The following CPA6 variants were observed in gnomAD, a reference collection of about 807,000 sequenced individuals.
The protein encoded by CPA6 is carboxypeptidase B.
CPA6 carries 58 observed loss-of-function variants against 63.3 expected under a neutral mutation model. That is an observed-to-expected ratio of 0.92 (90% confidence interval 0.74 to 1.14). The LOEUF (loss-of-function observed/expected upper bound fraction) is 1.14. Ranked by LOEUF, CPA6 falls within the 50% of genes most tolerant of loss-of-function variation. CPA6 has a pLI of 0.00. For missense variants in CPA6, 565 were observed against 526.6 expected (o/e 1.07, Z -0.71); for synonymous variants, 185 against 179.0 (o/e 1.03, Z -0.27).
At chr8:67,534,607 A>C (rs1035891744) in intron 2 of CPA6, among the ~76,000 whole-genome samples, 5 of 152,214 alleles carry the variant, frequency 3.3e-5, no homozygotes, top group Non-Finnish European at 5.9e-5. Flanking sequence ...ATCCTTTGGC[A>C]GTATCAGGCA....
intron 1 of CPA6, among the ~76,000 whole-genome samples, chr8:67,651,631 G>A (rs1018944839): frequency 1.3e-5 from 2 of 151,740 alleles, no homozygotes; most frequent in Admixed American, 1.3e-4. Flanking sequence ...TTTTGGTTTC[G>A]GTTTTCCTTA....
intron 6 of CPA6, among the ~76,000 whole-genome samples, chr8:67,492,998 TATC>T (rs1811638869): frequency 6.6e-6 from 1 of 152,100 alleles, no homozygotes; most frequent in African/African-American, 2.4e-5. Context: ...CAAACCAAAA[TATC>T]ATAATTACTC....
chr8:67,619,025 A>C (rs1281430908), intron 2 of CPA6, among the ~76,000 whole-genome samples: 2 of 151,984 alleles, frequency 1.3e-5, no homozygotes, highest in African/African-American at 2.4e-5. Flanking sequence ...TAGGAAAGTA[A>C]CCAGCTTTGT....
At chr8:67,699,127 C>T (rs553036487) in intron 1 of CPA6, among the ~76,000 whole-genome samples, 1 of 152,182 alleles carries the variant, frequency 6.6e-6, no homozygotes, top group African/African-American at 2.4e-5. Context: ...TAATGAAAAA[C>T]GGGTTACAGG....
chr8:67,516,001 T>A (rs994857477), intron 3 of CPA6, among the ~76,000 whole-genome samples: 1 of 152,138 alleles, frequency 6.6e-6, no homozygotes, highest in Non-Finnish European at 1.5e-5. Flanking sequence ...TGCCTTCCAA[T>A]CCATATTAGA....
chr8:67,666,492 T>C (rs1392651144), intron 1 of CPA6, among the ~76,000 whole-genome samples: 2 of 152,066 alleles, frequency 1.3e-5, no homozygotes, highest in Non-Finnish European at 2.9e-5. Context: ...GAGGGAGACA[T>C]GGTCTGGGAA....
chr8:67,591,661 A>G (rs1238871993), intron 2 of CPA6, among the ~76,000 whole-genome samples: 29 of 151,998 alleles, frequency 1.9e-4, no homozygotes, highest in Non-Finnish European at 2.5e-4. Flanking sequence ...GTGAATGGGA[A>G]TTCACTCATG....
chr8:67,691,693 T>C (rs1337981204), intron 1 of CPA6, among the ~76,000 whole-genome samples: 1 of 152,232 alleles, frequency 6.6e-6, no homozygotes, highest in African/African-American at 2.4e-5. Context: ...GTAAAATACC[T>C]TACCAAGTTT....
At chr8:67,457,287 T>G (rs963663532) in intron 8 of CPA6, among the ~76,000 whole-genome samples, 4 of 152,354 alleles carry the variant, frequency 2.6e-5, no homozygotes, top group African/African-American at 9.6e-5. Context: ...ATACTGCTCT[T>G]AAAAATTTAT....
intron 2 of CPA6, among the ~76,000 whole-genome samples, chr8:67,555,565 T>A (rs1813041703): frequency 6.6e-6 from 1 of 152,182 alleles, no homozygotes; most frequent in South Asian, 2.1e-4. Flanking sequence ...TAAAGCACTT[T>A]CCTGAGTTCT....
intron 1 of CPA6, among the ~76,000 whole-genome samples, chr8:67,709,438 G>A (rs1178467260): frequency 6.6e-6 from 1 of 152,172 alleles, no homozygotes; most frequent in Non-Finnish European, 1.5e-5. Context: ...TATTTCCTCT[G>A]AGGAGGCAAG....
chr8:67,505,852 T>C (rs1811915714), intron 6 of CPA6, among the ~76,000 whole-genome samples: 1 of 152,156 alleles, frequency 6.6e-6, no homozygotes, highest in Non-Finnish European at 1.5e-5. Context: ...AATTTCCCCA[T>C]AAAACACAGT....
chr8:67,431,952 G>A (rs1363783028), intron 9 of CPA6, among the ~76,000 whole-genome samples: 2 of 152,168 alleles, frequency 1.3e-5, no homozygotes, highest in African/African-American at 4.8e-5. Context: ...GGGAGAAAGG[G>A]AATGATTCTC....
chr8:67,652,236 A>G (rs569525311), intron 1 of CPA6, among the ~76,000 whole-genome samples: 26 of 152,298 alleles, frequency 1.7e-4, no homozygotes, highest in African/African-American at 2.6e-4. Context: ...AGCATGATTT[A>G]TAGTCCTTTG....
chr8:67,661,069 T>A (rs746147738), intron 1 of CPA6, among the ~76,000 whole-genome samples: 1 of 152,210 alleles, frequency 6.6e-6, no homozygotes, highest in Non-Finnish European at 1.5e-5. Flanking sequence ...TCTAAGGAAA[T>A]GCTCACACAC....
chr8:67,524,731 T>C (rs148445874), intron 2 of CPA6, among the ~76,000 whole-genome samples: 4 of 152,132 alleles, frequency 2.6e-5, no homozygotes. Flanking sequence ...TTAATATTTG[T>C]TTCCCCCATT....
At chr8:67,619,638 C>A (rs1460116553) in intron 2 of CPA6, among the ~76,000 whole-genome samples, 1 of 152,110 alleles carries the variant, frequency 6.6e-6, no homozygotes, top group Non-Finnish European at 1.5e-5. Flanking sequence ...ACCTTTCTGC[C>A]CAAGAGTTGC....
chr8:67,429,870 G>A (rs1809982017), intron 9 of CPA6, among the ~76,000 whole-genome samples: 1 of 152,188 alleles, frequency 6.6e-6, no homozygotes, highest in African/African-American at 2.4e-5. Context: ...GAGATGCACA[G>A]TTTTAGCCTT....
chr8:67,444,771 CAA>C (rs200276914), intron 8 of CPA6, among the ~76,000 whole-genome samples: 35 of 94,236 alleles, frequency 3.7e-4, no homozygotes, highest in African/African-American at 6.2e-4. Flanking sequence ...GACTCTGTCT[CAA>C]AAAAAAAAAA....
Sources: gnomAD v4.1 joint callset for allele counts (sites outside exome capture counted in the v4.1 genomes callset) on GRCh38, gnomAD v4.1.1 for gene constraint, MANE v1.5 for transcripts, NCBI Gene and HGNC (gene_info 2026-07-23, HGNC 2026-07-21) for gene names.